Variants in RSU1 observed in about 807,000 individuals in gnomAD.
RSU1 encodes the protein rsu-1.
In RSU1, 26 loss-of-function variants were observed where a neutral mutation model predicts 31.1. The ratio of observed to expected loss-of-function variants is 0.84; its 90% confidence interval spans 0.61 to 1.16. The LOEUF is 1.16. RSU1 is among the 50% of genes most tolerant of loss of function. The pLI, the probability that RSU1 is intolerant of heterozygous loss-of-function variation, is 0.00. For synonymous variants in RSU1, 164 were observed against 136.3 expected, an observed-to-expected ratio of 1.20 and a Z score of -1.41; for missense variants, 320 against 339.1, an observed-to-expected ratio of 0.94 and a Z score of 0.44.
At position 16,590,799 on chromosome 10, in the gene RSU1, A is replaced by T. The variant is rs1033818413; in HGVS notation, c.*2595T>A. ...TTTAATTTTTATGCACACGTATTAC[A>T]AACAAGCTTCCTTTTGACACAGCTG... On this transcript the variant is annotated 3_prime_UTR_variant, in exon 9 of 9. Transcript: ENST00000345264. 2.0e-5 allele frequency: 3 copies of T among 152,236 alleles called. No individual in the cohort carries two copies. The highest frequency in any genetic ancestry group is 4.4e-5 in the Non-Finnish European group (3 of 68,036). 9.4% of individuals were successfully genotyped at this position (152,236 alleles called of 1,614,324 possible). A position where few individuals can be genotyped will look rare whatever the true frequency, so the allele number is the denominator to read the frequency against.
intron 7 of RSU1, among the ~76,000 whole-genome samples, chr10:16,738,890 G>A (rs912473000): frequency 6.6e-6 from 1 of 150,566 alleles, no homozygotes; most frequent in Non-Finnish European, 1.5e-5. Context: ...ACCCCAGGGT[G>A]TGATGTTCCC....
At chr10:16,644,759 G>C (rs1834505619) in intron 8 of RSU1, among the ~76,000 whole-genome samples, 1 of 152,132 alleles carries the variant, frequency 6.6e-6, no homozygotes, top group African/African-American at 2.4e-5. Flanking sequence ...AAGTAAGAGT[G>C]AACATTTTCT....
chr10:16,715,824 C>T (rs1202202820), intron 7 of RSU1, among the ~76,000 whole-genome samples: 1 of 152,124 alleles, frequency 6.6e-6, no homozygotes, highest in Non-Finnish European at 1.5e-5. Flanking sequence ...GTGGGATTTT[C>T]TATTTCTGCA....
chr10:16,782,212 T>G, intron 2 of RSU1, 128 bp from the exon 3 acceptor site: 2 of 671,118 alleles, frequency 3.0e-6, no homozygotes, highest in Non-Finnish European at 5.1e-6. Context: ...CTCACCAAAA[T>G]AGAAGCTAGG....
intron 8 of RSU1, among the ~76,000 whole-genome samples, chr10:16,635,499 C>G (rs959818508): frequency 2.0e-5 from 3 of 152,248 alleles, no homozygotes; most frequent in Non-Finnish European, 4.4e-5. Context: ...CATGCTGCTA[C>G]TATACATTCT....
At chr10:16,753,520 A>G (rs1837021745) in intron 5 of RSU1, among the ~76,000 whole-genome samples, 1 of 152,206 alleles carries the variant, frequency 6.6e-6, no homozygotes, top group African/African-American at 2.4e-5. Flanking sequence ...CAGTTCCATA[A>G]TCTGACTAAT....
chr10:16,742,721 A>C (rs886759561), intron 7 of RSU1, among the ~76,000 whole-genome samples: 3 of 152,226 alleles, frequency 2.0e-5, no homozygotes, highest in African/African-American at 2.4e-5. Flanking sequence ...CACAGTGGCA[A>C]GCTTTTCCAG....
intron 4 of RSU1, among the ~76,000 whole-genome samples, chr10:16,761,019 G>A (rs1837202288): frequency 1.3e-5 from 2 of 152,128 alleles, no homozygotes; most frequent in African/African-American, 4.8e-5. Context: ...TCAGTTCACT[G>A]AAACCTCTGC....
intron 3 of RSU1, among the ~76,000 whole-genome samples, chr10:16,766,054 G>A (rs551491600): frequency 3.3e-5 from 5 of 152,372 alleles, no homozygotes; most frequent in African/African-American, 1.2e-4. Context: ...TTTCTGAAAT[G>A]TCTAAGGTAT....
intron 8 of RSU1, among the ~76,000 whole-genome samples, chr10:16,644,117 C>T (rs1221142523): frequency 6.6e-6 from 1 of 151,956 alleles, no homozygotes; most frequent in Middle Eastern, 3.4e-3. Flanking sequence ...GGGGGGGGTC[C>T]TAGAACCAAT....
At chr10:16,779,151 C>T (rs890059310) in intron 3 of RSU1, among the ~76,000 whole-genome samples, 5 of 152,196 alleles carry the variant, frequency 3.3e-5, no homozygotes, top group Admixed American at 6.5e-5. Flanking sequence ...TTAAGTCCCC[C>T]GCTGACTTCA....
chr10:16,802,978 A>T (rs1838188344), intron 2 of RSU1, among the ~76,000 whole-genome samples: 1 of 152,316 alleles, frequency 6.6e-6, no homozygotes, highest in Non-Finnish European at 1.5e-5. Flanking sequence ...CAAGGCAAGG[A>T]TGTCCCCTCT....
chr10:16,741,867 C>T (rs991739978), intron 7 of RSU1, among the ~76,000 whole-genome samples: 1 of 152,158 alleles, frequency 6.6e-6, no homozygotes, highest in African/African-American at 2.4e-5. Flanking sequence ...TACATTCTAG[C>T]AGCCATTTTG....
chr10:16,649,049 T>C (rs896623862), intron 8 of RSU1, among the ~76,000 whole-genome samples: 1 of 152,232 alleles, frequency 6.6e-6, no homozygotes, highest in South Asian at 2.1e-4. Context: ...CATTTAACTA[T>C]TTCCCTTAAA....
chr10:16,675,550 A>G (rs1038666223), intron 8 of RSU1, among the ~76,000 whole-genome samples: 2 of 152,210 alleles, frequency 1.3e-5, no homozygotes, highest in African/African-American at 4.8e-5. Context: ...AGAACACTAG[A>G]GACCAGCGTC....
intron 8 of RSU1, among the ~76,000 whole-genome samples, chr10:16,681,552 A>C (rs1257275038): frequency 6.6e-6 from 1 of 152,246 alleles, no homozygotes; most frequent in African/African-American, 2.4e-5. Flanking sequence ...TTTAAGAATT[A>C]AATTGAATTA....
intron 8 of RSU1, among the ~76,000 whole-genome samples, chr10:16,670,023 C>T (rs1835077356): frequency 6.6e-6 from 1 of 152,142 alleles, no homozygotes; most frequent in Non-Finnish European, 1.5e-5. Flanking sequence ...CAAATGGTGT[C>T]TAGGTCCATC....
chr10:16,680,959 T>C (rs553309977), intron 8 of RSU1, among the ~76,000 whole-genome samples: 19 of 152,356 alleles, frequency 1.2e-4, no homozygotes, highest in South Asian at 1.2e-3. Context: ...AAAATGGAGA[T>C]ACTGCATTAA....
chr10:16,771,568 G>A (rs1452414179), intron 3 of RSU1, among the ~76,000 whole-genome samples: 2 of 151,974 alleles, frequency 1.3e-5, no homozygotes, highest in Non-Finnish European at 2.9e-5. Flanking sequence ...TCTCACTCTC[G>A]CGTAGGAATA....
Sources: allele counts gnomAD v4.1 joint callset (sites outside exome capture counted in the v4.1 genomes callset), GRCh38; gene constraint gnomAD v4.1.1; transcripts MANE v1.5; gene names NCBI Gene and HGNC (gene_info 2026-07-23, HGNC 2026-07-21).